The following TSHZ2 variants were observed in gnomAD, a reference collection of about 807,000 sequenced individuals.
The protein encoded by TSHZ2 is teashirt homolog 2.
Under a neutral mutation model 74.4 loss-of-function variants are expected in TSHZ2, and 21 were observed. The observed-to-expected ratio is 0.28, with a 90% CI of 0.20 to 0.41. The LOEUF (loss-of-function observed/expected upper bound fraction) is 0.41. Ranked by LOEUF, TSHZ2 falls within the 10% of genes least tolerant of loss-of-function variation. The pLI is 1.00. For synonymous variants in TSHZ2, 540 were observed against 515.3 expected (o/e 1.05, Z -0.65); for missense variants, 1,244 against 1,293.5 (o/e 0.96, Z 0.59).
intron 1 of TSHZ2, among the ~76,000 whole-genome samples, chr20:53,084,029 A>G (rs1015219398): frequency 7.9e-5 from 12 of 152,290 alleles, no homozygotes; most frequent in Admixed American, 3.9e-4. Context: ...ATAAGATAAC[A>G]TAGCTAAGGT....
intron 2 of TSHZ2, among the ~76,000 whole-genome samples, chr20:53,284,898 T>C (rs1991136147): frequency 6.6e-6 from 1 of 152,138 alleles, no homozygotes. Context: ...GGGCCCTTAC[T>C]CTTGACAGGC....
chr20:53,237,204 T>A (rs538342455), intron 1 of TSHZ2, among the ~76,000 whole-genome samples: 8 of 152,314 alleles, frequency 5.3e-5, no homozygotes, highest in African/African-American at 1.4e-4. Context: ...AGGGTTCTTA[T>A]GAAGTGCTGT....
At chr20:53,258,130 A>G in intron 2 of TSHZ2, among the ~76,000 whole-genome samples, 1 of 152,208 alleles carries the variant, frequency 6.6e-6, no homozygotes, top group East Asian at 1.9e-4. Context: ...CTAGACCCAA[A>G]TGAAGACTAT....
At chr20:53,389,693 C>T (rs1229022317) in intron 2 of TSHZ2, among the ~76,000 whole-genome samples, 3 of 152,184 alleles carry the variant, frequency 2.0e-5, no homozygotes, top group African/African-American at 7.2e-5. Flanking sequence ...ATCTCCAGAC[C>T]TGTGGTTTTC....
intron 2 of TSHZ2, among the ~76,000 whole-genome samples, chr20:53,430,828 G>A (rs763686897): frequency 2.6e-5 from 4 of 152,104 alleles, no homozygotes; most frequent in Admixed American, 6.5e-5. Context: ...GCGTGGTCTC[G>A]GCTCACTACC....
intron 2 of TSHZ2, among the ~76,000 whole-genome samples, chr20:53,462,553 T>C (rs529240793): frequency 8.5e-5 from 13 of 152,364 alleles, no homozygotes; most frequent in African/African-American, 2.6e-4. Flanking sequence ...CTTGTAGCTA[T>C]GGGAACCTTC....
Position 53,221,398 on chromosome 20 carries a change from AAT to A in TSHZ2, c.41-32099_41-32098del, listed in dbSNP as rs1233938783. On this transcript the variant is annotated intron_variant, in intron 1 of 2. Coordinates refer to ENST00000371497, the MANE Select transcript of TSHZ2 (RefSeq NM_173485.6). ...GTGTTGGTAACTACATTTAAAAATAAATACTGTGGGTATCTATAGGGGCCACC... is the reference window on the plus strand; with the variant it reads ...GTGTTGGTAACTACATTTAAAAATAAACTGTGGGTATCTATAGGGGCCACC... 3.3e-5 allele frequency among the ~76,000 whole-genome samples: 5 copies of A among 152,236 alleles called. No homozygotes were observed. The East Asian group carries it at 9.6e-4, about 29-fold the overall frequency.
chr20:53,341,335 G>T (rs1980194621), intron 2 of TSHZ2, among the ~76,000 whole-genome samples: 1 of 152,172 alleles, frequency 6.6e-6, no homozygotes, highest in Non-Finnish European at 1.5e-5. Context: ...CTGTGCTAAG[G>T]TTGGAGTGAC....
intron 2 of TSHZ2, among the ~76,000 whole-genome samples, chr20:53,314,708 C>T (rs895833331): frequency 2.0e-5 from 3 of 151,426 alleles, no homozygotes. Flanking sequence ...TGCCACCTTC[C>T]CCTCCCGGGT....
At chr20:53,437,713 G>C (rs1984142102) in intron 2 of TSHZ2, among the ~76,000 whole-genome samples, 1 of 152,160 alleles carries the variant, frequency 6.6e-6, no homozygotes, top group African/African-American at 2.4e-5. Context: ...GGGCCCAGTG[G>C]GAGGTGTTTG....
intron 1 of TSHZ2, among the ~76,000 whole-genome samples, chr20:53,092,099 GGAAGAAACTACT>G (rs944687266): frequency 6.6e-6 from 1 of 151,942 alleles, no homozygotes; most frequent in Non-Finnish European, 1.5e-5. Context: ...GGAGGGTTTT[GGAAGAAACTACT>G]GACACAGCAT....
intron 2 of TSHZ2, among the ~76,000 whole-genome samples, chr20:53,341,363 C>G (rs1980195405): frequency 6.6e-6 from 1 of 152,192 alleles, no homozygotes; most frequent in Admixed American, 6.5e-5. Context: ...CCCAGTTTGC[C>G]TGAGACTGAG....
At chr20:53,154,523 C>G (rs911683402) in intron 1 of TSHZ2, among the ~76,000 whole-genome samples, 1 of 152,168 alleles carries the variant, frequency 6.6e-6, no homozygotes, top group Admixed American at 6.5e-5. Flanking sequence ...AGGATCCAAA[C>G]AGTGTGGCCC....
chr20:53,019,616 C>T (rs372830150), intron 1 of TSHZ2, among the ~76,000 whole-genome samples: 25 of 152,208 alleles, frequency 1.6e-4, no homozygotes, highest in African/African-American at 5.3e-4. Context: ...TTGGCCTTTA[C>T]GTGAATCTAC....
At chr20:53,010,644 G>C (rs1982816825) in intron 1 of TSHZ2, among the ~76,000 whole-genome samples, 1 of 152,066 alleles carries the variant, frequency 6.6e-6, no homozygotes, top group Non-Finnish European at 1.5e-5. Flanking sequence ...CATGTCATGA[G>C]AGGAAAAATG....
intron 1 of TSHZ2, among the ~76,000 whole-genome samples, chr20:53,241,017 C>A (rs932358723): frequency 7.2e-5 from 11 of 152,078 alleles, no homozygotes; most frequent in South Asian, 2.1e-4. Context: ...TGTCCTGGGA[C>A]AACAGCCAAT....
intron 2 of TSHZ2, among the ~76,000 whole-genome samples, chr20:53,418,840 G>T (rs968933890): frequency 2.6e-5 from 4 of 152,138 alleles, no homozygotes; most frequent in African/African-American, 9.7e-5. Context: ...GCCGCCAAAG[G>T]CCTAACACTA....
At chr20:53,435,704 G>A (rs1181168904) in intron 2 of TSHZ2, among the ~76,000 whole-genome samples, 3 of 152,150 alleles carry the variant, frequency 2.0e-5, no homozygotes, top group Admixed American at 1.3e-4. Context: ...TAGTAGAGAC[G>A]TGGATTCACC....
intron 2 of TSHZ2, among the ~76,000 whole-genome samples, chr20:53,342,406 A>G (rs1980244871): frequency 6.6e-6 from 1 of 150,970 alleles, no homozygotes; most frequent in African/African-American, 2.4e-5. Context: ...AAGAATGAAC[A>G]CTATTGTTCC....
Sources: gnomAD v4.1 joint callset for allele counts (sites outside exome capture counted in the v4.1 genomes callset) on GRCh38, gnomAD v4.1.1 for gene constraint, MANE v1.5 for transcripts, NCBI Gene and HGNC (gene_info 2026-07-23, HGNC 2026-07-21) for gene names.